Variants in SLC2A7 observed in about 807,000 individuals in gnomAD.
SLC2A7 encodes solute carrier family 2 member 7.
Under a neutral mutation model 50.5 loss-of-function variants are expected in SLC2A7, and 50 were observed. The ratio of observed to expected loss-of-function variants is 0.99; its 90% CI spans 0.79 to 1.25. The LOEUF (loss-of-function observed/expected upper bound fraction) is 1.25. Among genes scored for constraint, SLC2A7 ranks in the 50% most tolerant of loss-of-function variants. The pLI is 0.00. For synonymous variants in SLC2A7, 308 were observed against 300.4 expected (o/e 1.03, Z -0.26); for missense variants, 683 against 679.1 (o/e 1.01, Z -0.06).
chr1:9,022,055 T>C (rs1640920215), intron 3 of SLC2A7, among the ~76,000 whole-genome samples: 1 of 152,260 alleles, frequency 6.6e-6, no homozygotes, highest in African/African-American at 2.4e-5. Context: ...ATCAAGTATA[T>C]GCAAGAAGAG....
At chr1:9,021,504 G>A (rs1205282612) in intron 3 of SLC2A7, among the ~76,000 whole-genome samples, 1 of 152,164 alleles carries the variant, frequency 6.6e-6, no homozygotes, top group Non-Finnish European at 1.5e-5. Context: ...CCAGGAAGGC[G>A]AGGTTCTGGT....
At chr1:9,016,371 G>A (rs1355091632) in intron 5 of SLC2A7, among the ~76,000 whole-genome samples, 1 of 152,194 alleles carries the variant, frequency 6.6e-6, no homozygotes, top group African/African-American at 2.4e-5. Context: ...TTGGGAGGCG[G>A]AGGCAGGAGG....
In SLC2A7 at chr1:9,008,445, C is replaced by T. The variant is rs1640691003; in HGVS notation, c.1117-1060G>A. Among the ~76,000 whole-genome samples, 1 of 152,204 alleles carries T rather than the reference C, an allele frequency of 6.6e-6. No homozygotes were observed. Among genetic ancestry groups the T allele is most frequent in the South Asian group, 2.1e-4 (1 of 4,832 alleles). ...GAGCAGCTGCTGCTGCATTTTCAGG[C>T]AGAGCCCCTGGTTGGACAGAAGGAG... is the stretch of plus-strand genomic sequence containing the variant. On this transcript the variant is annotated intron_variant, in intron 9 of 11. Coordinates refer to ENST00000400906, the MANE Select transcript of SLC2A7 (RefSeq NM_207420.3). The surrounding 1 kb of genome is among the most constrained non-coding windows in gnomAD (Gnocchi z 5.9).
At position 9,015,224 on chromosome 1, in the gene SLC2A7, G is replaced by T. The variant is rs777552375; in HGVS notation, c.608C>A (p.Ala203Glu). 1.6e-5 allele frequency: 25 copies of T among 1,600,956 alleles called. 2 individuals carry two copies. The Middle Eastern group carries it at 1.8e-3, about 114-fold the overall frequency. Residue 203 changes from alanine to glutamate, a missense_variant, in exon 6 of 12, where the codon GCG becomes GAG. By Grantham distance (107) the Ala-to-Glu change is moderately radical. Transcript: ENST00000400906. ...GNPAGWPVLL[A>E]LTGVPALLQL... The stretch of plus-strand genomic sequence containing the variant: ...CAGCAGGGCGGGCACCCCTGTGAGC[G>T]CCAGAAGCACCGGCCAGCCTGCAAG...
At position 9,008,583 on chromosome 1, in the gene SLC2A7, T is replaced by C. The variant is rs899206443; in HGVS notation, c.1117-1198A>G. Among the ~76,000 whole-genome samples, 1 of 148,348 alleles carries C rather than the reference T, an allele frequency of 6.7e-6. No homozygotes were observed. Among genetic ancestry groups the C allele is most frequent in the African/African-American group, 2.5e-5 (1 of 40,212 alleles). On this transcript the variant is annotated intron_variant, in intron 9 of 11. Transcript: ENST00000400906. The surrounding 1 kb of genome is among the most constrained non-coding windows in gnomAD (Gnocchi z 5.9). ...TTCACTTCCTAGAATCCCTAAAGGT[T>C]CTGCTAAGAACTTATATTGGTTTTT...
At chr1:9,018,487 G>A (rs887508578) in intron 4 of SLC2A7, 112 bp from the exon 5 acceptor site, 28 of 1,438,518 alleles carry the variant, frequency 1.9e-5, no homozygotes, top group Middle Eastern at 1.8e-4. Flanking sequence ...CAGCCCCTCC[G>A]TGGAGATGGA....
chr1:9,010,125 C>T lies in SLC2A7; in HGVS notation c.1116+18G>A, dbSNP rs79843700. Reference sequence around the variant, plus strand: ...TCCCCATGACTCCCCACCCAGGGGGCAGGAAATGAGGTCAGACCTGGAATA... The same window carrying T: ...TCCCCATGACTCCCCACCCAGGGGGTAGGAAATGAGGTCAGACCTGGAATA... On this transcript the variant is annotated intron_variant, in intron 9 of 11. Transcript: ENST00000400906. 36,269 of 1,545,168 alleles carry T rather than the reference C, an allele frequency of 0.023. 684 individuals are homozygous for T. The highest frequency in any genetic ancestry group is 0.086 in the African/African-American group (6,293 of 73,044).
chr1:9,014,019 C>T (rs1640789287), intron 7 of SLC2A7, among the ~76,000 whole-genome samples: 1 of 152,210 alleles, frequency 6.6e-6, no homozygotes, highest in Admixed American at 6.5e-5. Context: ...TGTCTTCTGG[C>T]CCCATGCCAA....
chr1:9,017,349 A>G (rs1050376441), intron 5 of SLC2A7, among the ~76,000 whole-genome samples: 9 of 152,040 alleles, frequency 5.9e-5, no homozygotes, highest in African/African-American at 1.9e-4. Context: ...AACAACAACA[A>G]CAACAAAACT....
Position 9,010,256 on chromosome 1 carries a change from G to T in SLC2A7, c.1015-12C>A. On this transcript the variant is annotated splice_polypyrimidine_tract_variant and intron_variant, in intron 8 of 11. Transcript: ENST00000400906. Reference sequence around the variant, plus strand: ...TCCACAAGGACAGCCTGGAGGGGAAGGGGGACAGTGAGAAGCCGCCTTGGC... The same window carrying T: ...TCCACAAGGACAGCCTGGAGGGGAATGGGGACAGTGAGAAGCCGCCTTGGC... The T allele has an allele frequency of 1.9e-6, 3 of 1,549,686 alleles. No individual in the cohort carries two copies. The highest frequency in any genetic ancestry group is 2.6e-6 in the Non-Finnish European group (3 of 1,146,176).
Position 9,007,348 on chromosome 1 carries a change from C to A in SLC2A7, c.1154G>T (p.Cys385Phe). The part of the protein sequence containing the change: ...VPELSYLGII[C>F]VFAYIAGHSI... ...ATGTCCCGCGATGTAGGCAAAGACA[C>A]AGATGATGCCGAGGTAGGACAGCTC... Residue 385 changes from cysteine (C) to phenylalanine (F), a missense_variant, in exon 10 of 12, where the codon TGT becomes TTT. Cys to Phe is a radical substitution (Grantham distance 205). Coordinates refer to ENST00000400906, the MANE Select transcript of SLC2A7 (RefSeq NM_207420.3). 1 of 1,614,238 alleles carries A rather than the reference C, an allele frequency of 6.2e-7. No individual in the cohort carries two copies. Among genetic ancestry groups the A allele is most frequent in the Non-Finnish European group, 8.5e-7 (1 of 1,180,038 alleles).
In SLC2A7 at chr1:9,008,462, CAGA is replaced by C. The variant is rs896952511; in HGVS notation, c.1117-1080_1117-1078del. 1.3e-5 allele frequency among the ~76,000 whole-genome samples: 2 copies of C among 152,194 alleles called. No homozygotes were observed. The highest frequency in any genetic ancestry group is 1.3e-4 in the Admixed American group (2 of 15,282). On this transcript the variant is annotated intron_variant, in intron 9 of 11. Coordinates refer to ENST00000400906, the MANE Select transcript of SLC2A7 (RefSeq NM_207420.3). This position sits in a 1 kb window ranked among gnomAD's most constrained non-coding sequence, Gnocchi z 5.9. ...TTTTCAGGCAGAGCCCCTGGTTGGA[CAGA>C]AGGAGTGAAAGAGCCACCGGGGATG...
downstream of SLC2A7, among the ~76,000 whole-genome samples, chr1:9,001,568 A>G (rs911805028): frequency 4.6e-5 from 7 of 151,840 alleles, no homozygotes; most frequent in Non-Finnish European, 8.8e-5. Context: ...ATAGGCGCAC[A>G]TGACCGCACT....
chr1:9,002,536 C>A (rs1014875390), downstream of SLC2A7, among the ~76,000 whole-genome samples: 2 of 152,150 alleles, frequency 1.3e-5, no homozygotes, highest in Non-Finnish European at 2.9e-5. Flanking sequence ...TGACACAGAG[C>A]CTTTGCTCAC....
intron 8 of SLC2A7, among the ~76,000 whole-genome samples, chr1:9,011,601 G>T (rs1299993984): frequency 6.6e-6 from 1 of 151,826 alleles, no homozygotes; most frequent in Non-Finnish European, 1.5e-5. Flanking sequence ...CATCATGCGG[G>T]GCCCCTCATC....
chr1:9,003,227 A>G lies in SLC2A7; in HGVS notation c.*73T>C, dbSNP rs936936013. 15 of 1,417,728 alleles carry G rather than the reference A, an allele frequency of 1.1e-5. No homozygotes were observed. The highest frequency in any genetic ancestry group is 1.5e-5 in the Non-Finnish European group (15 of 1,023,102). The allele number at this position is 1,417,728 out of a possible 1,614,324, so 87.8% of individuals were successfully genotyped here. On this transcript the variant is annotated 3_prime_UTR_variant, in exon 12 of 12. Coordinates refer to ENST00000400906, the MANE Select transcript of SLC2A7 (RefSeq NM_207420.3). The stretch of plus-strand genomic sequence containing the variant: ...GCCTCCGTGCTATTATCCTCCCCAG[A>G]GCCTGGGGCCGGGAGGCCCATTGTC...
chr1:8,998,170 G>A (rs564541748), downstream of SLC2A7, among the ~76,000 whole-genome samples: 13 of 152,260 alleles, frequency 8.5e-5, no homozygotes, highest in South Asian at 1.9e-3. Context: ...TTGGGAGGCC[G>A]AGGTAGGTGG....
intron 11 of SLC2A7, 53 bp downstream of exon 11, chr1:9,004,699 T>A (rs981829921): frequency 6.2e-7 from 1 of 1,603,568 alleles, no homozygotes; most frequent in Non-Finnish European, 8.5e-7. Flanking sequence ...GGGGAATACA[T>A]CTTACTCCCT....
the SLC2A7 span, among the ~76,000 whole-genome samples, chr1:8,997,128 G>T: frequency 1.3e-5 from 2 of 151,982 alleles, no homozygotes; most frequent in East Asian, 1.9e-4. Flanking sequence ...ATCTTCTTTG[G>T]TGAAGTGCCC....
Sources: gnomAD v4.1 joint callset for allele counts (sites outside exome capture counted in the v4.1 genomes callset) on GRCh38, gnomAD v4.1.1 for gene constraint, Gnocchi (gnomAD v3.1) non-coding constraint, MANE v1.5 for transcripts, NCBI Gene and HGNC (gene_info 2026-07-23, HGNC 2026-07-21) for gene names.